Variants in SLIT3 observed in about 807,000 individuals in gnomAD.
SLIT3 encodes the protein slit homolog 3 protein.
A neutral mutation model predicts 184.0 loss-of-function variants in SLIT3; 68 were observed. The ratio of observed to expected loss-of-function variants is 0.37; its 90% CI spans 0.30 to 0.45. SLIT3 has a LOEUF of 0.45. Ranked by LOEUF, SLIT3 falls within the 20% of genes least tolerant of loss-of-function variation. The pLI is 1.00. For missense variants in SLIT3, 1,707 were observed against 2,026.0 expected, an observed-to-expected ratio of 0.84 and a Z score of 3.02; for synonymous variants, 831 against 828.6, an observed-to-expected ratio of 1.00 and a Z score of -0.05.
chr5:168,680,777 C>T (rs1006717790), intron 32 of SLIT3, among the ~76,000 whole-genome samples: 1 of 152,202 alleles, frequency 6.6e-6, no homozygotes, highest in African/African-American at 2.4e-5. Context: ...CCTCGCTGCT[C>T]AGCCTGAGAA....
chr5:169,230,968 T>G (rs1026922994), intron 3 of SLIT3, among the ~76,000 whole-genome samples: 3 of 152,254 alleles, frequency 2.0e-5, no homozygotes, highest in Non-Finnish European at 4.4e-5. Flanking sequence ...TTCATTTTGC[T>G]ACATTTGTTT....
At chr5:168,959,989 A>G (rs1445446364) in intron 4 of SLIT3, among the ~76,000 whole-genome samples, 1 of 152,236 alleles carries the variant, frequency 6.6e-6, no homozygotes. Flanking sequence ...GAGGCACAGC[A>G]GTAAGAGGCA....
chr5:169,111,067 C>T (rs1760392499), intron 4 of SLIT3, among the ~76,000 whole-genome samples: 1 of 152,200 alleles, frequency 6.6e-6, no homozygotes, highest in South Asian at 2.1e-4. Context: ...TCCTTCCTCG[C>T]AGGGCCTTGC....
chr5:168,864,132 C>T (rs891737431), intron 5 of SLIT3, among the ~76,000 whole-genome samples: 2 of 152,062 alleles, frequency 1.3e-5, no homozygotes, highest in African/African-American at 4.8e-5. Flanking sequence ...ATCGCTTGAG[C>T]CCAGGAGGTC....
chr5:168,897,646 G>GCACACACACA, intron 4 of SLIT3, among the ~76,000 whole-genome samples: 2,826 of 105,366 alleles, frequency 0.027, 48 homozygotes, highest in South Asian at 0.057. Flanking sequence ...ACAGGTGCAC[G>GCACACACACA]TACACACACA....
At chr5:168,938,432 G>A (rs1014000783) in intron 4 of SLIT3, among the ~76,000 whole-genome samples, 1 of 152,170 alleles carries the variant, frequency 6.6e-6, no homozygotes, top group Non-Finnish European at 1.5e-5. Flanking sequence ...ATATTGCCTG[G>A]TACTGAGAAA....
chr5:169,131,027 C>T (rs1284949731), intron 4 of SLIT3, among the ~76,000 whole-genome samples: 2 of 152,128 alleles, frequency 1.3e-5, no homozygotes, highest in Non-Finnish European at 2.9e-5. Context: ...TGGTCATCTC[C>T]GGAAAAGGGC....
At chr5:168,888,769 G>A (rs933069907) in intron 4 of SLIT3, among the ~76,000 whole-genome samples, 1 of 152,132 alleles carries the variant, frequency 6.6e-6, no homozygotes, top group Non-Finnish European at 1.5e-5. Context: ...GATCTTCAAA[G>A]CATTTATGTT....
At chr5:169,258,471 C>T (rs1766053439) in intron 1 of SLIT3, among the ~76,000 whole-genome samples, 1 of 152,238 alleles carries the variant, frequency 6.6e-6, no homozygotes, top group African/African-American at 2.4e-5. Flanking sequence ...AGCCCCTCTG[C>T]AAGCTCAAGG....
intron 4 of SLIT3, among the ~76,000 whole-genome samples, chr5:168,949,648 G>A (rs2113235022): frequency 6.6e-6 from 1 of 152,278 alleles, no homozygotes; most frequent in South Asian, 2.1e-4. Context: ...GCCCAGGCTA[G>A]AGTGCATGGC....
intron 3 of SLIT3, among the ~76,000 whole-genome samples, chr5:169,226,799 G>C (rs1764827256): frequency 6.6e-6 from 1 of 152,156 alleles, no homozygotes; most frequent in African/African-American, 2.4e-5. Context: ...CAAAGACTCA[G>C]GTAAGATTCA....
At chr5:168,681,723 C>A (rs1761598422) in intron 32 of SLIT3, among the ~76,000 whole-genome samples, 1 of 152,224 alleles carries the variant, frequency 6.6e-6, no homozygotes, top group East Asian at 1.9e-4. Context: ...TCTACCAAAT[C>A]ACCAGCCCTG....
intron 3 of SLIT3, among the ~76,000 whole-genome samples, chr5:169,225,557 A>G (rs2113540046): frequency 6.6e-6 from 1 of 152,326 alleles, no homozygotes; most frequent in Middle Eastern, 3.4e-3. Flanking sequence ...TAGTCTAAGG[A>G]GAGAGAGAGA....
chr5:169,037,533 C>G (rs2278388), intron 4 of SLIT3: 2 of 152,214 alleles, frequency 1.3e-5, no homozygotes, highest in African/African-American at 4.8e-5. Flanking sequence ...GATGGAGCCC[C>G]GACACTGACT....
chr5:168,671,173 C>T (rs773871350), intron 34 of SLIT3, 25 bp downstream of exon 34: 15 of 1,593,282 alleles, frequency 9.4e-6, no homozygotes, highest in Non-Finnish European at 1.3e-5. Flanking sequence ...CTCGAGCACA[C>T]AGCCAGGGCT....
intron 2 of SLIT3, among the ~76,000 whole-genome samples, chr5:169,249,905 T>G (rs1765715448): frequency 6.6e-6 from 1 of 152,260 alleles, no homozygotes; most frequent in East Asian, 1.9e-4. Flanking sequence ...GGAGAGCATC[T>G]GCAAGCTGGA....
chr5:168,932,660 A>G (rs1426486901), intron 4 of SLIT3, among the ~76,000 whole-genome samples: 1 of 152,146 alleles, frequency 6.6e-6, no homozygotes, highest in South Asian at 2.1e-4. Context: ...CTGCGGTCAG[A>G]TCCCAGCAAC....
At chr5:168,799,666 G>T (rs1756693931) in intron 9 of SLIT3, among the ~76,000 whole-genome samples, 1 of 152,174 alleles carries the variant, frequency 6.6e-6, no homozygotes, top group Non-Finnish European at 1.5e-5. Context: ...TGGTTAAAAG[G>T]TCCTGGAGTG....
intron 4 of SLIT3, among the ~76,000 whole-genome samples, chr5:169,045,384 A>G (rs1032205428): frequency 1.3e-5 from 2 of 151,172 alleles, no homozygotes; most frequent in African/African-American, 4.9e-5. Flanking sequence ...AAGAACTTCT[A>G]CTATTGTTAC....
Sources: allele counts gnomAD v4.1 joint callset (sites outside exome capture counted in the v4.1 genomes callset), GRCh38; gene constraint gnomAD v4.1.1; transcripts MANE v1.5; gene names NCBI Gene and HGNC (gene_info 2026-07-23, HGNC 2026-07-21).